The following CNTN5 variants were observed in gnomAD, a reference collection of about 807,000 sequenced individuals.
CNTN5 encodes the protein contactin-5.
A neutral mutation model predicts 129.1 loss-of-function variants in CNTN5; 77 were observed. The ratio of observed to expected loss-of-function variants is 0.60; its 90% CI spans 0.50 to 0.72. The LOEUF is 0.72. Ranked by LOEUF, CNTN5 falls within the 30% of genes least tolerant of loss-of-function variation. The pLI is 0.00. For missense variants in CNTN5, 1,478 were observed against 1,328.8 expected, an observed-to-expected ratio of 1.11 and a Z score of -1.75; for synonymous variants, 509 against 465.6, an observed-to-expected ratio of 1.09 and a Z score of -1.20.
intron 3 of CNTN5, among the ~76,000 whole-genome samples, chr11:99,562,378 A>G (rs1280231391): frequency 6.6e-6 from 1 of 152,188 alleles, no homozygotes; most frequent in Non-Finnish European, 1.5e-5. Flanking sequence ...ATACATGTTA[A>G]TAAACTTTTT....
intron 2 of CNTN5, among the ~76,000 whole-genome samples, chr11:99,501,551 G>T (rs1946427885): frequency 6.6e-6 from 1 of 152,158 alleles, no homozygotes; most frequent in Admixed American, 6.5e-5. Flanking sequence ...TGCTGCAGTT[G>T]CAAAAGAACT....
Position 99,328,458 on chromosome 11 carries a change from C to T in CNTN5, c.-71+2974C>T, listed in dbSNP as rs1865871482. On this transcript the variant is annotated intron_variant, in intron 2 of 24. Coordinates refer to ENST00000524871, the MANE Select transcript of CNTN5 (RefSeq NM_014361.4). ...ATTTTGAGGTGGTTCTTATAGACAT[C>T]TGTGTTTTACTACTTGCAAAAATTG... 3.3e-5 allele frequency among the ~76,000 whole-genome samples: 5 copies of T among 152,050 alleles called. No homozygotes were observed. The South Asian group carries it at 1.0e-3, about 32-fold the overall frequency.
At chr11:100,004,378 C>A (rs113301630) in intron 9 of CNTN5, among the ~76,000 whole-genome samples, 3 of 152,132 alleles carry the variant, frequency 2.0e-5, no homozygotes, top group Admixed American at 6.6e-5. Context: ...CATGGGGGCT[C>A]TCATTCATCC....
chr11:99,099,819 A>G (rs186789782), intron 1 of CNTN5, among the ~76,000 whole-genome samples: 96 of 152,314 alleles, frequency 6.3e-4, no homozygotes, highest in African/African-American at 2.3e-3. Context: ...GACATTTAAT[A>G]AGAAGGCAAT....
chr11:99,988,262 G>C (rs1254811223), intron 8 of CNTN5, among the ~76,000 whole-genome samples: 1 of 152,220 alleles, frequency 6.6e-6, no homozygotes, highest in Non-Finnish European at 1.5e-5. Flanking sequence ...GCAGATTAAA[G>C]TGTGAAAATA....
chr11:100,090,365 T>C (rs1236873499), intron 13 of CNTN5, among the ~76,000 whole-genome samples: 1 of 152,010 alleles, frequency 6.6e-6, no homozygotes, highest in Non-Finnish European at 1.5e-5. Context: ...CAGTGAAACC[T>C]GATCAATTTG....
At chr11:99,495,441 T>C (rs1280529420) in intron 2 of CNTN5, among the ~76,000 whole-genome samples, 3 of 152,186 alleles carry the variant, frequency 2.0e-5, no homozygotes, top group African/African-American at 4.8e-5. Context: ...ACATATCTTA[T>C]GAGATATGGC....
chr11:99,117,464 G>A (rs555862823), intron 1 of CNTN5, among the ~76,000 whole-genome samples: 12 of 151,924 alleles, frequency 7.9e-5, no homozygotes, highest in Non-Finnish European at 1.3e-4. Context: ...TATATACTAC[G>A]TATTTTTGAG....
intron 6 of CNTN5, among the ~76,000 whole-genome samples, chr11:99,877,964 T>C (rs918172513): frequency 7.9e-5 from 12 of 152,232 alleles, no homozygotes; most frequent in African/African-American, 2.9e-4. Context: ...TGCATGGTAA[T>C]GAACTTCATA....
At chr11:100,097,988 T>A (rs1316264568) in intron 13 of CNTN5, among the ~76,000 whole-genome samples, 1 of 151,754 alleles carries the variant, frequency 6.6e-6, no homozygotes, top group African/African-American at 2.4e-5. Context: ...TAAGAAAAAA[T>A]CCTTCATTTG....
At chr11:100,273,489 A>G (rs1317238427) in intron 18 of CNTN5, among the ~76,000 whole-genome samples, 1 of 151,900 alleles carries the variant, frequency 6.6e-6, no homozygotes, top group African/African-American at 2.4e-5. Flanking sequence ...CAAGTACCCC[A>G]CCCTTGCTTT....
intron 3 of CNTN5, among the ~76,000 whole-genome samples, chr11:99,793,566 A>T (rs996385546): frequency 2.6e-5 from 4 of 152,082 alleles, no homozygotes; most frequent in African/African-American, 9.7e-5. Flanking sequence ...TCATTTTTAT[A>T]AGCTTCCCTC....
chr11:100,129,572 G>A (rs940934422), intron 13 of CNTN5, among the ~76,000 whole-genome samples: 2 of 152,044 alleles, frequency 1.3e-5, no homozygotes, highest in Non-Finnish European at 2.9e-5. Context: ...ATAAATATAT[G>A]GCTCTCTGTG....
rs528348989 is a variant in CNTN5, at chr11:99,648,333, T to G, written c.55+92064T>G. On this transcript the variant is annotated intron_variant, in intron 3 of 24. Transcript: ENST00000524871. ...TGTAAAAAATGTTCAGCATTACTAATGATCAGGTAAATGCAAATGAAAACC... is the reference window on the plus strand; with the variant it reads ...TGTAAAAAATGTTCAGCATTACTAAGGATCAGGTAAATGCAAATGAAAACC... Among the ~76,000 whole-genome samples, 8 of 152,018 alleles carry G rather than the reference T, an allele frequency of 5.3e-5. No individual in the cohort carries two copies. In the South Asian group the frequency reaches 1.5e-3, roughly 28 times the overall value.
chr11:99,255,176 T>C (rs1017615382), intron 1 of CNTN5, among the ~76,000 whole-genome samples: 3 of 151,940 alleles, frequency 2.0e-5, no homozygotes, highest in African/African-American at 7.2e-5. Context: ...AACATTTGTT[T>C]GGTGAAAACT....
At chr11:99,932,206 T>A (rs1950208368) in intron 7 of CNTN5, among the ~76,000 whole-genome samples, 1 of 151,716 alleles carries the variant, frequency 6.6e-6, no homozygotes, top group African/African-American at 2.4e-5. Context: ...ATTTTATTTT[T>A]TTGAGACGGA....
intron 1 of CNTN5, among the ~76,000 whole-genome samples, chr11:99,303,022 A>G (rs1309845549): frequency 1.3e-5 from 2 of 151,714 alleles, no homozygotes; most frequent in African/African-American, 4.8e-5. Context: ...TTTTCAGGAG[A>G]TTTCATAGCT....
intron 13 of CNTN5, among the ~76,000 whole-genome samples, chr11:100,155,581 A>G (rs996543855): frequency 1.3e-5 from 2 of 152,028 alleles, no homozygotes; most frequent in African/African-American, 4.8e-5. Flanking sequence ...CTTGATGGGG[A>G]TAGCAATGAA....
At chr11:99,362,889 AG>A (rs1320354332) in intron 2 of CNTN5, among the ~76,000 whole-genome samples, 2 of 147,544 alleles carry the variant, frequency 1.4e-5, no homozygotes, top group African/African-American at 4.9e-5. Flanking sequence ...GTCTGTACTT[AG>A]GACAGTGCCA....
Sources: gnomAD v4.1 joint callset for allele counts (sites outside exome capture counted in the v4.1 genomes callset) on GRCh38, gnomAD v4.1.1 for gene constraint, MANE v1.5 for transcripts, NCBI Gene and HGNC (gene_info 2026-07-23, HGNC 2026-07-21) for gene names.